PDE3B: variants seen among roughly 807,000 people sequenced by gnomAD.
PDE3B encodes the protein cGMP-inhibited 3',5'-cyclic phosphodiesterase 3B.
PDE3B carries 66 observed loss-of-function variants against 116.8 expected under a neutral mutation model. The ratio of observed to expected loss-of-function variants is 0.56; its 90% CI spans 0.46 to 0.69. PDE3B has a LOEUF of 0.69. Among genes scored for constraint, PDE3B ranks in the 30% least tolerant of loss-of-function variants. The pLI is 0.00. For synonymous variants in PDE3B, 595 were observed against 533.6 expected, an observed-to-expected ratio of 1.12 and a Z score of -1.59; for missense variants, 1,384 against 1,368.1, an observed-to-expected ratio of 1.01 and a Z score of -0.18.
the PDE3B span, among the ~76,000 whole-genome samples, chr11:14,894,963 C>A: frequency 6.6e-6 from 1 of 152,182 alleles, no homozygotes; most frequent in Non-Finnish European, 1.5e-5. Flanking sequence ...GGTGAACACA[C>A]TGTATAGGGC....
intron 5 of PDE3B, among the ~76,000 whole-genome samples, chr11:14,813,702 T>C (rs1859225929): frequency 6.6e-6 from 1 of 152,206 alleles, no homozygotes; most frequent in Non-Finnish European, 1.5e-5. Flanking sequence ...GTGATTATTC[T>C]GCTTACCACA....
intron 9 of PDE3B, 50 bp from the exon 10 acceptor site, chr11:14,832,672 A>T (rs1387648527): frequency 4.2e-6 from 3 of 711,242 alleles, no homozygotes; most frequent in African/African-American, 1.9e-5. Flanking sequence ...ACTCAGCTAC[A>T]AATAGAAATT....
intron 1 of PDE3B, among the ~76,000 whole-genome samples, chr11:14,768,599 T>C (rs1487174504): frequency 1.3e-5 from 2 of 151,508 alleles, no homozygotes; most frequent in African/African-American, 4.8e-5. Flanking sequence ...TCAAAATTTT[T>C]CTATTTTATT....
intron 10 of PDE3B, 128 bp from the exon 11 acceptor site, chr11:14,834,854 A>T: frequency 2.0e-6 from 1 of 493,258 alleles, no homozygotes; most frequent in Non-Finnish European, 3.7e-6. Context: ...TTTAGATGAA[A>T]TAAAATTCAA....
chr11:14,766,049 A>G (rs889622455), intron 1 of PDE3B, among the ~76,000 whole-genome samples: 8 of 151,612 alleles, frequency 5.3e-5, no homozygotes, highest in African/African-American at 1.9e-4. Flanking sequence ...ACCGCCAACT[A>G]TGCATTCCGT....
chr11:14,848,779 C>T (rs1334409468), intron 12 of PDE3B, among the ~76,000 whole-genome samples: 1 of 152,150 alleles, frequency 6.6e-6, no homozygotes, highest in Admixed American at 6.5e-5. Context: ...ATCCAACTTA[C>T]AAGGGATGTG....
chr11:14,733,374 TTCTC>T (rs1856514257), intron 1 of PDE3B, among the ~76,000 whole-genome samples: 1 of 152,174 alleles, frequency 6.6e-6, no homozygotes, highest in African/African-American at 2.4e-5. Context: ...TTCCTGCGCA[TTCTC>T]TCTTTTACTC....
At chr11:14,655,247 A>G (rs1437956272) in intron 1 of PDE3B, among the ~76,000 whole-genome samples, 3 of 152,158 alleles carry the variant, frequency 2.0e-5, no homozygotes, top group South Asian at 4.1e-4. Flanking sequence ...GATGATCATT[A>G]TGTAATTATA....
intron 1 of PDE3B, among the ~76,000 whole-genome samples, chr11:14,673,016 G>A (rs1482158845): frequency 6.6e-6 from 1 of 150,566 alleles, no homozygotes; most frequent in East Asian, 1.9e-4. Context: ...GCTACACAAT[G>A]TATTGTGTCT....
At chr11:14,863,416 T>A (rs1555007563) in intron 14 of PDE3B, among the ~76,000 whole-genome samples, 1 of 152,234 alleles carries the variant, frequency 6.6e-6, no homozygotes, top group East Asian at 1.9e-4. Flanking sequence ...CATTGTGGTT[T>A]TTATTTGCAT....
chr11:14,659,298 G>A (rs1382826146), intron 1 of PDE3B, among the ~76,000 whole-genome samples: 2 of 152,144 alleles, frequency 1.3e-5, no homozygotes, highest in Non-Finnish European at 2.9e-5. Context: ...TTTCAGATAT[G>A]GCTTGCAGAG....
Position 14,854,310 on chromosome 11 carries a change from G to A in PDE3B, c.2521-4733G>A, listed in dbSNP as rs140915518. Among the ~76,000 whole-genome samples the A allele has an allele frequency of 8.6e-4, 131 of 152,252 alleles. 1 individual carries two copies. Among genetic ancestry groups the A allele is most frequent in the African/African-American group, 3.1e-3 (129 of 41,542 alleles). The stretch of plus-strand genomic sequence containing the variant: ...ATATTGAAGGAACTGCCTGGAGAGA[G>A]TAACAGTTCCTGGAGTGGGTATTAG... On this transcript the variant is annotated intron_variant, in intron 12 of 15. Transcript: ENST00000282096.
chr11:14,657,025 T>A (rs958106703), intron 1 of PDE3B, among the ~76,000 whole-genome samples: 1 of 152,176 alleles, frequency 6.6e-6, no homozygotes, highest in East Asian at 1.9e-4. Context: ...TAAAAAGTGA[T>A]TAAAAGGGGG....
chr11:14,661,519 G>C (rs1166375908), intron 1 of PDE3B, among the ~76,000 whole-genome samples: 1 of 152,236 alleles, frequency 6.6e-6, no homozygotes, highest in Non-Finnish European at 1.5e-5. Context: ...CCTCACTCGG[G>C]AAGCGCAAGG....
chr11:14,757,765 C>G (rs1426166316), intron 1 of PDE3B, among the ~76,000 whole-genome samples: 1 of 150,474 alleles, frequency 6.6e-6, no homozygotes, highest in Non-Finnish European at 1.5e-5. Flanking sequence ...CCTGTTCACT[C>G]TGATGGTAGT....
intron 1 of PDE3B, among the ~76,000 whole-genome samples, chr11:14,751,251 G>A (rs894559675): frequency 6.6e-6 from 1 of 152,136 alleles, no homozygotes. Flanking sequence ...GAATTTTGTA[G>A]TGTTGCACTT....
chr11:14,843,895 G>A lies in PDE3B; in HGVS notation c.2389G>A (p.Glu797Lys). Residue 797 changes from glutamate to lysine, a missense_variant, in exon 12 of 16, where the codon GAG becomes AAG. Physicochemically the swap from Glu to Lys is moderately conservative, Grantham distance 56 (BLOSUM62 1). Transcript: ENST00000282096. ...TTCGAAGAGCTGCTCTAATCCTGAT[G>A]AGAGTTATGGCTGCCTGTCTTCAAA... ...ISSKSCSNPD[E>K]SYGCLSSNIP... 6.2e-7 allele frequency: 1 copy of A among 1,613,996 alleles called. No individual in the cohort carries two copies. Among genetic ancestry groups the A allele is most frequent in the South Asian group, 1.1e-5 (1 of 91,070 alleles).
At chr11:14,673,714 C>T (rs1279847623) in intron 1 of PDE3B, 14 of 756,436 alleles carry the variant, frequency 1.9e-5, no homozygotes, top group Non-Finnish European at 3.5e-5. Context: ...AGGCTCTTCT[C>T]ATCCAGAGGT....
intron 1 of PDE3B, among the ~76,000 whole-genome samples, chr11:14,731,443 A>G (rs1279956865): frequency 6.6e-6 from 1 of 151,676 alleles, no homozygotes; most frequent in Non-Finnish European, 1.5e-5. Flanking sequence ...TATTTTTAGT[A>G]GAGACGGGGT....
Sources: gnomAD v4.1 joint callset for allele counts (sites outside exome capture counted in the v4.1 genomes callset) on GRCh38, gnomAD v4.1.1 for gene constraint, MANE v1.5 for transcripts, NCBI Gene and HGNC (gene_info 2026-07-23, HGNC 2026-07-21) for gene names.